Variants in ZNF385D observed in about 807,000 individuals in gnomAD.
The protein encoded by ZNF385D is zinc finger protein 659.
In ZNF385D, 15 loss-of-function variants were observed where a neutral mutation model predicts 35.8. That is an observed-to-expected ratio of 0.42 (90% CI 0.28 to 0.64). The LOEUF (loss-of-function observed/expected upper bound fraction) is 0.64. Among genes scored for constraint, ZNF385D ranks in the 30% least tolerant of loss-of-function variants. The pLI, the probability that ZNF385D is intolerant of heterozygous loss-of-function variation, is 0.23. For missense variants in ZNF385D, 474 were observed against 494.6 expected, an observed-to-expected ratio of 0.96 and a Z score of 0.39; for synonymous variants, 212 against 186.8, an observed-to-expected ratio of 1.13 and a Z score of -1.10.
At chr3:21,855,075 T>C (rs1696631141) in intron 3 of ZNF385D, among the ~76,000 whole-genome samples, 1 of 151,898 alleles carries the variant, frequency 6.6e-6, no homozygotes, top group South Asian at 2.1e-4. Context: ...CTCAGTGGCT[T>C]CTCAGACTTC....
chr3:21,549,769 G>C (rs1396651192), intron 3 of ZNF385D, among the ~76,000 whole-genome samples: 2 of 152,224 alleles, frequency 1.3e-5, no homozygotes, highest in African/African-American at 2.4e-5. Context: ...AAATAACTCT[G>C]TGAGTCTTGG....
chr3:22,270,079 G>A (rs904347827), intron 2 of ZNF385D, among the ~76,000 whole-genome samples: 1 of 151,880 alleles, frequency 6.6e-6, no homozygotes, highest in African/African-American at 2.4e-5. Flanking sequence ...GTAGCAAGCT[G>A]CTGATCCATG....
intron 2 of ZNF385D, among the ~76,000 whole-genome samples, chr3:22,285,681 C>T (rs555536361): frequency 1.3e-5 from 2 of 152,166 alleles, no homozygotes; most frequent in Admixed American, 6.5e-5. Context: ...CTCCCTCCCC[C>T]CTCTCCCCAC....
At chr3:21,488,079 A>G (rs1031782949) in intron 4 of ZNF385D, among the ~76,000 whole-genome samples, 4 of 151,886 alleles carry the variant, frequency 2.6e-5, no homozygotes, top group Non-Finnish European at 5.9e-5. Context: ...ACATCGTCAC[A>G]CTCTTTCCTG....
chr3:21,760,173 G>C (rs971127852), intron 3 of ZNF385D, among the ~76,000 whole-genome samples: 3 of 152,028 alleles, frequency 2.0e-5, no homozygotes, highest in African/African-American at 7.3e-5. Flanking sequence ...GATCCTTTTG[G>C]TGGATAAAAT....
At chr3:22,225,994 A>C (rs761006871) in intron 2 of ZNF385D, among the ~76,000 whole-genome samples, 10 of 152,108 alleles carry the variant, frequency 6.6e-5, no homozygotes, top group Non-Finnish European at 1.3e-4. Flanking sequence ...CCCATCTCCC[A>C]TTCCCATTGA....
chr3:21,547,680 G>C, intron 3 of ZNF385D, among the ~76,000 whole-genome samples: 1 of 151,002 alleles, frequency 6.6e-6, no homozygotes, highest in Admixed American at 6.6e-5. Context: ...GCAGTGGCAT[G>C]ATCTCAGCTC....
At chr3:22,141,159 A>G (rs1328412257) in intron 3 of ZNF385D, among the ~76,000 whole-genome samples, 1 of 152,222 alleles carries the variant, frequency 6.6e-6, no homozygotes, top group Non-Finnish European at 1.5e-5. Flanking sequence ...TTCCTAAAAT[A>G]ATAAGAGAAC....
At chr3:21,941,566 C>T (rs965344651) in intron 3 of ZNF385D, among the ~76,000 whole-genome samples, 4 of 138,672 alleles carry the variant, frequency 2.9e-5, no homozygotes, top group Non-Finnish European at 6.0e-5. Context: ...GGCATGATCT[C>T]GGCTCACTGC....
intron 2 of ZNF385D, among the ~76,000 whole-genome samples, chr3:21,595,145 T>C (rs2064092571): frequency 6.6e-6 from 1 of 152,170 alleles, no homozygotes; most frequent in African/African-American, 2.4e-5. Flanking sequence ...TACTGACTTT[T>C]ATCAGATATC....
intron 2 of ZNF385D, among the ~76,000 whole-genome samples, chr3:22,253,924 T>A (rs993986476): frequency 6.6e-6 from 1 of 151,860 alleles, no homozygotes; most frequent in Non-Finnish European, 1.5e-5. Context: ...TAGAAAAAAA[T>A]AACATTAAAT....
Position 22,176,671 on chromosome 3 carries a change from T to C in ZNF385D, c.107-7636A>G, listed in dbSNP as rs117052596. Reference sequence around the variant, plus strand: ...TGGAACTTTTAAATGCATTCCTTTCTTCCTTTTAAGCAGTAGACTTTTTAG... The same window carrying C: ...TGGAACTTTTAAATGCATTCCTTTCCTCCTTTTAAGCAGTAGACTTTTTAG... On this transcript the variant is annotated intron_variant, in intron 2 of 5. Coordinates refer to the ZNF385D transcript ENST00000494108. Among the ~76,000 whole-genome samples the C allele has an allele frequency of 1.6e-3, 238 of 152,310 alleles. 1 individual carries two copies. Among genetic ancestry groups the C allele is most frequent in the African/African-American group, 5.2e-3 (217 of 41,560 alleles).
chr3:21,869,108 A>G (rs1013412033), intron 3 of ZNF385D, among the ~76,000 whole-genome samples: 1 of 152,118 alleles, frequency 6.6e-6, no homozygotes, highest in African/African-American at 2.4e-5. Flanking sequence ...GCTGCATAAC[A>G]ATGTTTCGAG....
At chr3:21,895,280 G>T (rs553382640) in intron 3 of ZNF385D, among the ~76,000 whole-genome samples, 120 of 143,870 alleles carry the variant, frequency 8.3e-4, no homozygotes, top group African/African-American at 3.0e-3. Context: ...GTAGCTGGAA[G>T]ATGCCTTTTT....
chr3:22,272,653 TA>T (rs1003582763), intron 2 of ZNF385D, among the ~76,000 whole-genome samples: 49 of 151,964 alleles, frequency 3.2e-4, no homozygotes, highest in African/African-American at 1.1e-3. Flanking sequence ...CATAAAACTT[TA>T]AAAAAAATTC....
chr3:21,771,039 A>G (rs1034793139), intron 3 of ZNF385D, among the ~76,000 whole-genome samples: 2 of 147,536 alleles, frequency 1.4e-5, no homozygotes, highest in African/African-American at 5.0e-5. Context: ...GAATTGAACA[A>G]TGAAAACACT....
chr3:21,939,955 C>A (rs1701436548), intron 3 of ZNF385D, among the ~76,000 whole-genome samples: 1 of 151,982 alleles, frequency 6.6e-6, no homozygotes, highest in Non-Finnish European at 1.5e-5. Flanking sequence ...TTAAGTTGTC[C>A]CAGGGAAAGA....
chr3:21,642,344 T>G (rs2065632579), intron 2 of ZNF385D, among the ~76,000 whole-genome samples: 1 of 152,018 alleles, frequency 6.6e-6, no homozygotes, highest in African/African-American at 2.4e-5. Context: ...AACCTCACTC[T>G]TTGTGTGTCC....
chr3:22,146,840 T>C (rs941158505), intron 3 of ZNF385D, among the ~76,000 whole-genome samples: 1 of 152,170 alleles, frequency 6.6e-6, no homozygotes, highest in Admixed American at 6.5e-5. Context: ...AATAAGGGAA[T>C]CTGTAAGCCA....
Sources: gnomAD v4.1 joint callset for allele counts (sites outside exome capture counted in the v4.1 genomes callset) on GRCh38, gnomAD v4.1.1 for gene constraint, MANE v1.5 for transcripts, NCBI Gene and HGNC (gene_info 2026-07-23, HGNC 2026-07-21) for gene names.